The following CHST8 variants were observed in gnomAD, a reference collection of about 807,000 sequenced individuals.
CHST8 encodes GALNAC-4-ST1.
A neutral mutation model predicts 15.0 loss-of-function variants in CHST8; 10 were observed. The observed-to-expected ratio is 0.67, with a 90% CI of 0.41 to 1.13. The LOEUF (loss-of-function observed/expected upper bound fraction) is 1.13. CHST8 is among the 50% of genes most tolerant of loss of function. The pLI is 0.00. For synonymous variants in CHST8, 259 were observed against 256.6 expected (o/e 1.01, Z -0.09); for missense variants, 634 against 608.2 (o/e 1.04, Z -0.45).
intron 3 of CHST8, among the ~76,000 whole-genome samples, chr19:33,718,134 C>T (rs1254581922): frequency 6.6e-6 from 1 of 152,152 alleles, no homozygotes; most frequent in African/African-American, 2.4e-5. Flanking sequence ...AGGTTATTTG[C>T]AGTTTCCTCA....
At chr19:33,708,567 T>G (rs1238410236) in intron 3 of CHST8, among the ~76,000 whole-genome samples, 2 of 152,256 alleles carry the variant, frequency 1.3e-5, no homozygotes, top group Non-Finnish European at 1.5e-5. Context: ...GGAATCTCAA[T>G]TTATTTCATT....
chr19:33,761,681 T>A (rs1599635883), intron 3 of CHST8, among the ~76,000 whole-genome samples: 1 of 151,668 alleles, frequency 6.6e-6, no homozygotes, highest in Non-Finnish European at 1.5e-5. Context: ...ATGTATATAT[T>A]TTTTTAATTA....
intron 3 of CHST8, among the ~76,000 whole-genome samples, chr19:33,715,172 G>T (rs564334271): frequency 1.3e-5 from 2 of 152,198 alleles, no homozygotes; most frequent in Non-Finnish European, 2.9e-5. Context: ...CCTGTGCCCT[G>T]GTCCTCCCCT....
intron 3 of CHST8, among the ~76,000 whole-genome samples, chr19:33,765,034 T>A (rs1974804819): frequency 9.0e-6 from 1 of 111,196 alleles, no homozygotes; most frequent in African/African-American, 4.2e-5. Flanking sequence ...TTCCTTTTTA[T>A]GGCTAAGTAC....
chr19:33,673,943 G>A (rs758439750), intron 2 of CHST8, among the ~76,000 whole-genome samples: 4 of 152,068 alleles, frequency 2.6e-5, no homozygotes, highest in Non-Finnish European at 4.4e-5. Flanking sequence ...TAGTAGATAC[G>A]GGGTTTCGCC....
Position 33,695,821 on chromosome 19 carries a change from C to CTTTCTTTCTTTTT in CHST8, c.130+6433_130+6434insCTTTCTTTTTTTT, listed in dbSNP as rs57718433. The stretch of plus-strand genomic sequence containing the variant: ...TTTCTTTTTCTTTCTTTCTTTCTTT[C>CTTTCTTTCTTTTT]TTTTTTTTTTTTTTTTTTTTTGAGA... On this transcript the variant is annotated intron_variant, in intron 3 of 4. Coordinates refer to ENST00000650847, the MANE Select transcript of CHST8 (RefSeq NM_001127895.2). Among the ~76,000 whole-genome samples the CTTTCTTTCTTTTT allele has an allele frequency of 4.7e-4, 36 of 76,240 alleles. 1 individual carries two copies. Among genetic ancestry groups the CTTTCTTTCTTTTT allele is most frequent in the African/African-American group, 1.1e-3 (18 of 16,138 alleles). The allele number at this position is 76,240 out of a possible 152,430, so 50.0% of individuals were successfully genotyped here. A position where few individuals can be genotyped will look rare whatever the true frequency, so the allele number is the denominator to read the frequency against.
intron 3 of CHST8, among the ~76,000 whole-genome samples, chr19:33,765,269 C>T (rs1038878766): frequency 2.6e-5 from 4 of 151,724 alleles, no homozygotes; most frequent in Admixed American, 6.6e-5. Context: ...CTGGAAGAGT[C>T]GAGGAAGCAT....
intron 1 of CHST8, among the ~76,000 whole-genome samples, chr19:33,648,851 G>T (rs542293838): frequency 3.0e-4 from 45 of 149,484 alleles, no homozygotes; most frequent in Admixed American, 1.3e-3. Flanking sequence ...AATAATAAAT[G>T]TGTATATCTG....
intron 1 of CHST8, among the ~76,000 whole-genome samples, chr19:33,657,156 C>CACACACACAAAA (rs756944119): frequency 2.7e-5 from 4 of 146,402 alleles, no homozygotes; most frequent in Non-Finnish European, 5.9e-5. Flanking sequence ...CACACACACA[C>CACACACACAAAA]AAACACACAT....
rs766265994 is a variant in CHST8, at chr19:33,772,809, G to C, written c.1021G>C (p.Asp341His). 3 of 1,613,358 alleles carry C rather than the reference G, an allele frequency of 1.9e-6. No homozygotes were observed. The highest frequency in any genetic ancestry group is 2.5e-6 in the Non-Finnish European group (3 of 1,180,036). ...VSRLCSPCLI[D>H]YDFVGKFESM... ...CCGGCTCTGCAGCCCCTGCCTCATC[G>C]ACTACGATTTCGTAGGCAAGTTCGA... Residue 341 changes from aspartate to histidine, a missense_variant, in exon 5 of 5, where the codon GAC (aspartate) becomes CAC (histidine). By Grantham distance (81) the Asp-to-His change is moderately conservative. Coordinates refer to ENST00000650847, the MANE Select transcript of CHST8 (RefSeq NM_001127895.2).
At chr19:33,679,337 C>T (rs914259077) in intron 2 of CHST8, among the ~76,000 whole-genome samples, 3 of 152,258 alleles carry the variant, frequency 2.0e-5, no homozygotes, top group Non-Finnish European at 4.4e-5. Context: ...CCTACATCCC[C>T]AGGTGCTCTT....
At chr19:33,631,831 C>T (rs192849857) in intron 1 of CHST8, among the ~76,000 whole-genome samples, 6 of 152,300 alleles carry the variant, frequency 3.9e-5, no homozygotes, top group Admixed American at 3.9e-4. Flanking sequence ...GTCAGACCAC[C>T]TGGGTTCAAT....
chr19:33,625,495 T>C (rs1354520939), intron 1 of CHST8, among the ~76,000 whole-genome samples: 5 of 152,182 alleles, frequency 3.3e-5, no homozygotes, highest in Non-Finnish European at 7.3e-5. Flanking sequence ...GAGATTTATA[T>C]AGTGCTGGCC....
chr19:33,666,122 C>A (rs573031359), intron 1 of CHST8, among the ~76,000 whole-genome samples: 1 of 152,198 alleles, frequency 6.6e-6, no homozygotes, highest in African/African-American at 2.4e-5. Flanking sequence ...TAGTGCCTGT[C>A]GATGTAGGCC....
In CHST8 at chr19:33,757,442, GAA is replaced by G. The variant is rs1353042849; in HGVS notation, c.131-13969_131-13968del. On this transcript the variant is annotated intron_variant, in intron 3 of 4. Coordinates refer to ENST00000650847, the MANE Select transcript of CHST8 (RefSeq NM_001127895.2). The stretch of plus-strand genomic sequence containing the variant: ...AGAAAGAAAGAAAGAAAGAAAGAAA[GAA>G]AGAAAGAAAGAAAGAAAGAAAGAAA... Among the ~76,000 whole-genome samples the G allele has an allele frequency of 4.2e-3, 101 of 24,322 alleles. 8 individuals carry two copies. Among genetic ancestry groups the G allele is most frequent in the African/African-American group, 0.012 (84 of 6,738 alleles). 16.0% of individuals were successfully genotyped at this position (24,322 alleles called of 152,430 possible). A position where few individuals can be genotyped will look rare whatever the true frequency, so the allele number is the denominator to read the frequency against.
intron 1 of CHST8, among the ~76,000 whole-genome samples, chr19:33,632,711 G>A (rs984047351): frequency 2.6e-5 from 4 of 151,722 alleles, no homozygotes; most frequent in East Asian, 3.9e-4. Flanking sequence ...ACAGAAAACC[G>A]CTCCCCTTAC....
chr19:33,666,897 T>C (rs1242015678), intron 1 of CHST8, among the ~76,000 whole-genome samples: 1 of 152,140 alleles, frequency 6.6e-6, no homozygotes, highest in Non-Finnish European at 1.5e-5. Flanking sequence ...GAGACCAGTT[T>C]CATTATGTTG....
intron 3 of CHST8, among the ~76,000 whole-genome samples, chr19:33,717,335 C>A (rs1973682662): frequency 6.6e-6 from 1 of 152,010 alleles, no homozygotes; most frequent in Admixed American, 6.6e-5. Context: ...GTGGTGCGCG[C>A]CTGTAGTCCC....
chr19:33,669,503 T>C (rs1322961900), intron 2 of CHST8, among the ~76,000 whole-genome samples: 3 of 152,198 alleles, frequency 2.0e-5, no homozygotes, highest in East Asian at 3.8e-4. Context: ...ACCTGTGGTT[T>C]TTATTTCTTC....
Sources: allele counts gnomAD v4.1 joint callset (sites outside exome capture counted in the v4.1 genomes callset), GRCh38; gene constraint gnomAD v4.1.1; transcripts MANE v1.5; gene names NCBI Gene and HGNC (gene_info 2026-07-23, HGNC 2026-07-21).